Variants in DEGS2 observed in about 807,000 individuals in gnomAD.
The protein encoded by DEGS2 is sphingolipid delta(4)-desaturase/C4-monooxygenase DES2.
A neutral mutation model predicts 23.8 loss-of-function variants in DEGS2; 19 were observed. That is an observed-to-expected ratio of 0.80 (90% CI 0.56 to 1.17). The LOEUF (loss-of-function observed/expected upper bound fraction) is 1.17. DEGS2 is among the 50% of genes most tolerant of loss of function. DEGS2 has a pLI of 0.00. For synonymous variants in DEGS2, 218 were observed against 213.7 expected, an observed-to-expected ratio of 1.02 and a Z score of -0.18; for missense variants, 390 against 459.5, an observed-to-expected ratio of 0.85 and a Z score of 1.38.
In DEGS2 at chr14:100,144,353, C is replaced by T. The variant is rs577764887; in HGVS notation, c.*2408G>A. 326 of 152,584 alleles carry T rather than the reference C, an allele frequency of 2.1e-3. 1 individual carries two copies. Among genetic ancestry groups the T allele is most frequent in the Admixed American group, 3.8e-3 (58 of 15,318 alleles). 9.5% of individuals were successfully genotyped at this position (152,584 alleles called of 1,614,324 possible). A position where few individuals can be genotyped will look rare whatever the true frequency, so the allele number is the denominator to read the frequency against. ...GTCGTAGGAGCAAGATGGCGGTCTT[C>T]GACAGGAAGCTGGGCTCAGAACATT... On this transcript the variant is annotated 3_prime_UTR_variant, in exon 3 of 3. Transcript: ENST00000305631.
intron 1 of DEGS2, among the ~76,000 whole-genome samples, chr14:100,151,199 C>T (rs959602573): frequency 6.6e-6 from 1 of 152,228 alleles, no homozygotes; most frequent in African/African-American, 2.4e-5. Context: ...GTGGCCAGCA[C>T]ATTAGTCTGA....
chr14:100,145,795 C>T lies in DEGS2; in HGVS notation c.*966G>A, dbSNP rs1371770681. 1 of 152,588 alleles carries T rather than the reference C, an allele frequency of 6.6e-6. No homozygotes were observed. The highest frequency in any genetic ancestry group is 1.5e-5 in the Non-Finnish European group (1 of 68,306). 9.5% of individuals were successfully genotyped at this position (152,588 alleles called of 1,614,324 possible). ...CTAGGTCGCAGCTGCACCCTCAGCCCTTCTGTAGAAAGGACCGACACGTCT... is the reference window on the plus strand; with the variant it reads ...CTAGGTCGCAGCTGCACCCTCAGCCTTTCTGTAGAAAGGACCGACACGTCT... On this transcript the variant is annotated 3_prime_UTR_variant, in exon 3 of 3. Transcript: ENST00000305631.
At chr14:100,159,113 C>A (rs575257352) in intron 1 of DEGS2, among the ~76,000 whole-genome samples, 2 of 152,156 alleles carry the variant, frequency 1.3e-5, no homozygotes, top group African/African-American at 4.8e-5. Context: ...GGGTGGAGGC[C>A]CCGCGTCGCG....
intron 1 of DEGS2, 41 bp from the exon 2 acceptor site, chr14:100,149,751 G>T: frequency 6.5e-7 from 1 of 1,549,738 alleles, no homozygotes; most frequent in Non-Finnish European, 8.7e-7. Flanking sequence ...CGCTCGGTGG[G>T]GCTGCACCCC....
Position 100,146,549 on chromosome 14 carries a change from G to A in DEGS2, c.*212C>T. ...GGCCTCACCTGGGGAGGCCCAGAAA[G>A]GGAGGGCCACACTCAAGGTCCAGGG... On this transcript the variant is annotated 3_prime_UTR_variant, in exon 3 of 3. Coordinates refer to ENST00000305631, the MANE Select transcript of DEGS2 (RefSeq NM_206918.3). The A allele has an allele frequency of 1.6e-6, 1 of 633,242 alleles. No homozygotes were observed. Among genetic ancestry groups the A allele is most frequent in the Non-Finnish European group, 2.6e-6 (1 of 383,822 alleles). The allele number at this position is 633,242 out of a possible 1,614,324, so 39.2% of individuals were successfully genotyped here. A position where few individuals can be genotyped will look rare whatever the true frequency, so the allele number is the denominator to read the frequency against.
upstream of DEGS2, among the ~76,000 whole-genome samples, chr14:100,163,086 G>A (rs543713510): frequency 6.6e-6 from 1 of 152,232 alleles, no homozygotes; most frequent in Non-Finnish European, 1.5e-5. Flanking sequence ...ACTCGATGGA[G>A]GAGTGAGAGC....
Position 100,159,582 on chromosome 14 carries a change from G to A in DEGS2, c.6C>T (p.Gly2=), listed in dbSNP as rs1363698480. 6.7e-7 allele frequency: 1 copy of A among 1,492,874 alleles called. No homozygotes were observed. 92.5% of individuals were successfully genotyped at this position (1,492,874 alleles called of 1,614,324 possible). Residue 2 remains glycine, a synonymous_variant, in exon 1 of 3, where the codon GGC becomes GGT. Transcript: ENST00000305631. The part of the protein sequence containing the change: M[G]NSASRSDFEW... ...CGAAGTCGCTGCGGCTCGCGCTGTTGCCCATGGTGGGGCGGGAGGCGCCGT... is the reference window on the plus strand; with the variant it reads ...CGAAGTCGCTGCGGCTCGCGCTGTTACCCATGGTGGGGCGGGAGGCGCCGT...
upstream of DEGS2, among the ~76,000 whole-genome samples, chr14:100,160,428 G>A (rs1306399290): frequency 6.6e-6 from 1 of 152,216 alleles, no homozygotes; most frequent in Non-Finnish European, 1.5e-5. Context: ...TTGGTGCTAG[G>A]GGGAACAGCA....
At chr14:100,148,459 A>G (rs1361781998) in intron 2 of DEGS2, among the ~76,000 whole-genome samples, 1 of 152,170 alleles carries the variant, frequency 6.6e-6, no homozygotes, top group African/African-American at 2.4e-5. Flanking sequence ...TTTCTCATTC[A>G]GAAATTCTCC....
At chr14:100,158,195 G>A (rs567344469) in intron 1 of DEGS2, among the ~76,000 whole-genome samples, 6 of 152,150 alleles carry the variant, frequency 3.9e-5, no homozygotes, top group African/African-American at 1.4e-4. Context: ...GATCCCTCGA[G>A]CTCGGAAGTT....
At chr14:100,150,949 AC>A (rs1176509214) in intron 1 of DEGS2, among the ~76,000 whole-genome samples, 1 of 152,086 alleles carries the variant, frequency 6.6e-6, no homozygotes, top group Non-Finnish European at 1.5e-5. Flanking sequence ...AGCCACTGGG[AC>A]CCCAGAAACA....
upstream of DEGS2, among the ~76,000 whole-genome samples, chr14:100,164,505 C>T (rs537035327): frequency 6.6e-6 from 1 of 152,114 alleles, no homozygotes; most frequent in Admixed American, 6.5e-5. Flanking sequence ...GGCATGGTGG[C>T]GGGCACCTGT....
chr14:100,146,529 C>A lies in DEGS2; in HGVS notation c.*232G>T. 1 of 567,834 alleles carries A rather than the reference C, an allele frequency of 1.8e-6. No individual in the cohort carries two copies. Among genetic ancestry groups the A allele is most frequent in the Non-Finnish European group, 3.0e-6 (1 of 330,742 alleles). The allele number at this position is 567,834 out of a possible 1,614,324, so 35.2% of individuals were successfully genotyped here. A position where few individuals can be genotyped will look rare whatever the true frequency, so the allele number is the denominator to read the frequency against. On this transcript the variant is annotated 3_prime_UTR_variant, in exon 3 of 3. Transcript: ENST00000305631. ...GTCATGGTGGGGCAGGGCCAGGCCT[C>A]ACCTGGGGAGGCCCAGAAAGGGAGG...
At chr14:100,147,743 G>A (rs1889478379) in intron 2 of DEGS2, among the ~76,000 whole-genome samples, 3 of 143,874 alleles carry the variant, frequency 2.1e-5, no homozygotes, top group East Asian at 2.2e-4. Flanking sequence ...GAGCCTGGCC[G>A]CAAAACCAGG....
upstream of DEGS2, among the ~76,000 whole-genome samples, chr14:100,162,365 A>T (rs1300065845): frequency 6.8e-6 from 1 of 147,286 alleles, no homozygotes; most frequent in African/African-American, 2.5e-5. Context: ...AATAAATAAA[A>T]ATAAATAAAA....
Position 100,149,087 on chromosome 14 carries a change from A to G in DEGS2, c.706T>C (p.Phe236Leu). ...GAGTAGGTCTCGTGGCCCTTGAGGA[A>G]CATGTAGTGCTCGGCCACGAAGTGG... ...SGHFVAEHYM[F>L]LKGHETYSYY... is the part of the protein sequence containing the mutation. Residue 236 changes from phenylalanine to leucine, a missense_variant, in exon 2 of 3, where the codon TTC (phenylalanine) becomes CTC (leucine). Phe to Leu is a conservative substitution (Grantham distance 22, BLOSUM62 0). Transcript: ENST00000305631. 6.2e-7 allele frequency: 1 copy of G among 1,612,850 alleles called. No homozygotes were observed. The highest frequency in any genetic ancestry group is 8.5e-7 in the Non-Finnish European group (1 of 1,179,962).
intron 2 of DEGS2, among the ~76,000 whole-genome samples, chr14:100,147,656 CT>C (rs1889474632): frequency 2.8e-5 from 3 of 106,166 alleles, no homozygotes; most frequent in Non-Finnish European, 4.2e-5. Context: ...GATGCCCTCC[CT>C]GCCCCCCCCC....
Position 100,146,579 on chromosome 14 carries a change from T to C in DEGS2, c.*182A>G. ...GGCCACACTCAAGGTCCAGGGCAAG[T>C]CCACGTGCAGACGGAGCCCTGCAGC... On this transcript the variant is annotated 3_prime_UTR_variant, in exon 3 of 3. Coordinates refer to ENST00000305631, the MANE Select transcript of DEGS2 (RefSeq NM_206918.3). 1 of 838,182 alleles carries C rather than the reference T, an allele frequency of 1.2e-6. No individual in the cohort carries two copies. Among genetic ancestry groups the C allele is most frequent in the Non-Finnish European group, 1.8e-6 (1 of 549,418 alleles). The allele number at this position is 838,182 out of a possible 1,614,324, so 51.9% of individuals were successfully genotyped here.
chr14:100,146,980 C>G lies in DEGS2; in HGVS notation c.826-73G>C, dbSNP rs775984696. Reference sequence around the variant, plus strand: ...CACCCGCGAGCACACACGCAGACACCTGAGCACACGCGGTGGGCATGCACA... The same window carrying G: ...CACCCGCGAGCACACACGCAGACACGTGAGCACACGCGGTGGGCATGCACA... On this transcript the variant is annotated intron_variant, in intron 2 of 2. Coordinates refer to ENST00000305631, the MANE Select transcript of DEGS2 (RefSeq NM_206918.3). 2.7e-4 allele frequency: 411 copies of G among 1,541,446 alleles called. 1 individual carries two copies. Among genetic ancestry groups the G allele is most frequent in the Non-Finnish European group, 3.5e-4 (398 of 1,141,372 alleles).
Sources: gnomAD v4.1 joint callset for allele counts (sites outside exome capture counted in the v4.1 genomes callset) on GRCh38, gnomAD v4.1.1 for gene constraint, MANE v1.5 for transcripts, NCBI Gene and HGNC (gene_info 2026-07-23, HGNC 2026-07-21) for gene names.